The following ASH1L variants were observed in gnomAD, a reference collection of about 807,000 sequenced individuals.
ASH1L encodes ASH1 like histone lysine methyltransferase.
Under a neutral mutation model 269.0 loss-of-function variants are expected in ASH1L, and 23 were observed. The observed-to-expected ratio is 0.09, with a 90% CI of 0.06 to 0.12. ASH1L has a LOEUF of 0.12. Ranked by LOEUF, ASH1L falls within the 10% of genes least tolerant of loss-of-function variation. ASH1L has a pLI of 1.00. For synonymous variants in ASH1L, 1,187 were observed against 1,253.5 expected, an observed-to-expected ratio of 0.95 and a Z score of 1.12; for missense variants, 2,912 against 3,567.8, an observed-to-expected ratio of 0.82 and a Z score of 4.68.
rs545474588 is a variant in ASH1L at position 155,478,266 on chromosome 1, C to T, written c.4604G>A (p.Arg1535His). 1.4e-5 allele frequency: 23 copies of T among 1,614,066 alleles called. No homozygotes were observed. The highest frequency in any genetic ancestry group is 5.3e-5 in the African/African-American group (4 of 75,002). Residue 1535 changes from arginine to histidine, a missense_variant, in exon 3 of 28, where the codon CGT (arginine) becomes CAT (histidine). This residue lies in a region of ASH1L where 789 missense variants were observed against 897.6 expected (regional missense o/e 0.88). Transcript: ENST00000392403. The surrounding 1 kb of genome is among the most constrained non-coding windows in gnomAD (Gnocchi z 4.6). Reference protein sequence around the residue: ...GERYKHKEKHRCHMSCPHLSP... With the variant: ...GERYKHKEKHHCHMSCPHLSP... ...GAGATGAGGGCAGGACATGTGACAA[C>T]GGTGCTTTTCCTTATGCTTATATCG...
At chr1:155,427,856 A>G (rs1661277662) in intron 5 of ASH1L, among the ~76,000 whole-genome samples, 1 of 152,124 alleles carries the variant, frequency 6.6e-6, no homozygotes, top group African/African-American at 2.4e-5. Flanking sequence ...TCTCTTAAGC[A>G]GTTTAGCACC....
chr1:155,439,608 G>A (rs1328898155), intron 4 of ASH1L, among the ~76,000 whole-genome samples: 1 of 152,104 alleles, frequency 6.6e-6, no homozygotes, highest in African/African-American at 2.4e-5. Context: ...GCTAAGTTGG[G>A]AAGACTGCTT....
intron 7 of ASH1L, among the ~76,000 whole-genome samples, 189 bp downstream of exon 7, chr1:155,395,270 T>C (rs183887319): frequency 2.6e-5 from 4 of 152,314 alleles, no homozygotes; most frequent in African/African-American, 7.2e-5. Context: ...ACAAGATTTA[T>C]GCCACTGTGA....
chr1:155,415,004 GA>G (rs1458742253), intron 6 of ASH1L, among the ~76,000 whole-genome samples: 1 of 152,100 alleles, frequency 6.6e-6, no homozygotes, highest in African/African-American at 2.4e-5. Flanking sequence ...TCCAATCAGT[GA>G]AAAATGAAGT....
chr1:155,433,263 G>A (rs1378210384), intron 5 of ASH1L: 1 of 1,559,374 alleles, frequency 6.4e-7, no homozygotes, highest in Non-Finnish European at 8.7e-7. Context: ...CCGGAGCCGG[G>A]CTGGGTTGAT....
chr1:155,506,145 A>G (rs1309649407), intron 2 of ASH1L, among the ~76,000 whole-genome samples: 1 of 152,158 alleles, frequency 6.6e-6, no homozygotes, highest in Non-Finnish European at 1.5e-5. Flanking sequence ...AGCTTCATCT[A>G]TGTCCCTACA....
intron 26 of ASH1L, 61 bp from the exon 27 acceptor site, chr1:155,338,451 T>A: frequency 6.6e-7 from 1 of 1,516,454 alleles, no homozygotes; most frequent in South Asian, 1.3e-5. Context: ...GGATGAAGGG[T>A]AGGAGGCCTC....
chr1:155,562,270 C>G lies in ASH1L; in HGVS notation c.-217G>C, dbSNP rs767367638. 52 of 1,609,162 alleles carry G rather than the reference C, an allele frequency of 3.2e-5. No homozygotes were observed. The highest frequency in any genetic ancestry group is 1.0e-5 in the Non-Finnish European group (12 of 1,176,114). On this transcript the variant is annotated 5_prime_UTR_variant, in exon 1 of 28. Coordinates refer to ENST00000392403, the MANE Select transcript of ASH1L (RefSeq NM_018489.3). ...TCCACGGCGGATCCCTCCCGCTTGT[C>G]AGGAGGCGGCCAGCGGGTAAGCTGA...
intron 1 of ASH1L, among the ~76,000 whole-genome samples, chr1:155,529,624 T>C (rs1157991296): frequency 1.3e-5 from 2 of 152,188 alleles, no homozygotes; most frequent in Non-Finnish European, 2.9e-5. Context: ...AACATGCTTC[T>C]AACTGGTTCC....
At chr1:155,409,160 G>T (rs951980099) in intron 6 of ASH1L, among the ~76,000 whole-genome samples, 2 of 152,020 alleles carry the variant, frequency 1.3e-5, no homozygotes, top group South Asian at 4.1e-4. Flanking sequence ...AAATAGCTGG[G>T]ACTACAGGTT....
At chr1:155,373,438 C>A (rs1360313843) in intron 10 of ASH1L, among the ~76,000 whole-genome samples, 1 of 151,778 alleles carries the variant, frequency 6.6e-6, no homozygotes, top group Non-Finnish European at 1.5e-5. Context: ...CAGGCGCGCA[C>A]CACCGCATCT....
At chr1:155,461,436 A>G (rs1455599984) in intron 3 of ASH1L, among the ~76,000 whole-genome samples, 1 of 151,950 alleles carries the variant, frequency 6.6e-6, no homozygotes, top group Non-Finnish European at 1.5e-5. Flanking sequence ...CTGAAACACA[A>G]TGATGACTGA....
At chr1:155,347,556 C>T (rs985078335) in intron 20 of ASH1L, 100 bp downstream of exon 20, 1 of 1,480,826 alleles carries the variant, frequency 6.8e-7, no homozygotes, top group Non-Finnish European at 9.2e-7. Context: ...AGTTCATAAA[C>T]AGTCTTTCAA....
chr1:155,346,180 G>A (rs762232352), intron 21 of ASH1L: 1 of 1,480,274 alleles, frequency 6.8e-7, no homozygotes, highest in Non-Finnish European at 9.0e-7. Flanking sequence ...AGATTTCTAA[G>A]TATTTTATTT....
At chr1:155,483,241 T>C (rs766746999) in intron 2 of ASH1L, among the ~76,000 whole-genome samples, 2 of 152,136 alleles carry the variant, frequency 1.3e-5, no homozygotes, top group African/African-American at 2.4e-5. Flanking sequence ...ACTGTGTTTG[T>C]GGATAGGAAG....
At chr1:155,419,382 A>G in intron 5 of ASH1L, 1 of 138,580 alleles carries the variant, frequency 7.2e-6, no homozygotes, top group East Asian at 1.9e-4. Context: ...AAAAACATTA[A>G]AAAAAAAAAA....
intron 2 of ASH1L, among the ~76,000 whole-genome samples, chr1:155,501,894 C>A (rs978257308): frequency 1.3e-5 from 2 of 151,892 alleles, no homozygotes; most frequent in Non-Finnish European, 2.9e-5. Flanking sequence ...ATCTATTGAC[C>A]TCATGATCCG....
chr1:155,471,813 A>G (rs1273361935), intron 3 of ASH1L, among the ~76,000 whole-genome samples: 1 of 152,252 alleles, frequency 6.6e-6, no homozygotes, highest in African/African-American at 2.4e-5. Context: ...AGGAACACCA[A>G]AATTTGTGAC....
At chr1:155,476,367 C>T (rs1178522723) in intron 3 of ASH1L, among the ~76,000 whole-genome samples, 1 of 151,732 alleles carries the variant, frequency 6.6e-6, no homozygotes, top group African/African-American at 2.4e-5. Flanking sequence ...GCCTGGGCAA[C>T]AGAGCAAGAC....
Sources: gnomAD v4.1 joint callset for allele counts (sites outside exome capture counted in the v4.1 genomes callset) on GRCh38, gnomAD v4.1.1 for gene constraint, gnomAD v4.1.1 regional missense constraint, Gnocchi (gnomAD v3.1) non-coding constraint, MANE v1.5 for transcripts, NCBI Gene and HGNC (gene_info 2026-07-23, HGNC 2026-07-21) for gene names.